The following FMN2 variants were observed in gnomAD, a reference collection of about 807,000 sequenced individuals.
FMN2 encodes the protein formin 2, also known as formin-2.
In FMN2, 51 loss-of-function variants were observed where a neutral mutation model predicts 142.3. That is an observed-to-expected ratio of 0.36 (90% CI 0.29 to 0.45). The LOEUF (loss-of-function observed/expected upper bound fraction) is 0.45, where lower values mean the gene tolerates loss of function less well. Ranked by LOEUF, FMN2 falls within the 20% of genes least tolerant of loss-of-function variation. FMN2 has a pLI of 1.00. For missense variants in FMN2, 1,936 were observed against 2,122.8 expected, an observed-to-expected ratio of 0.91 and a Z score of 1.73; for synonymous variants, 882 against 869.8, an observed-to-expected ratio of 1.01 and a Z score of -0.25.
chr1:240,234,866 TA>T (rs1667650441), intron 6 of FMN2, among the ~76,000 whole-genome samples: 1 of 152,218 alleles, frequency 6.6e-6, no homozygotes, highest in South Asian at 2.1e-4. Context: ...TTCATATACT[TA>T]TAAACTTTTA....
At position 240,318,286 on chromosome 1, in the gene FMN2, A is replaced by G. The variant is rs567880625; in HGVS notation, c.4216-10790A>G. On this transcript the variant is annotated intron_variant, in intron 8 of 17. Transcript: ENST00000319653. ...GTTCAGCTCTTCACTTAACACCTCA[A>G]TGGGACAGTTTTTCATTTGGTGTTT... Among the ~76,000 whole-genome samples, 7 of 152,320 alleles carry G rather than the reference A, an allele frequency of 4.6e-5. No homozygotes were observed. The South Asian group carries it at 1.0e-3, about 23-fold the overall frequency.
At chr1:240,107,107 G>C (rs891695824) in intron 1 of FMN2, among the ~76,000 whole-genome samples, 1 of 151,756 alleles carries the variant, frequency 6.6e-6, no homozygotes, top group Non-Finnish European at 1.5e-5. Context: ...CAGGATGAAG[G>C]AGCTAGATGT....
intron 13 of FMN2, among the ~76,000 whole-genome samples, chr1:240,349,094 G>C (rs1021309075): frequency 2.0e-5 from 3 of 152,166 alleles, no homozygotes; most frequent in African/African-American, 7.2e-5. Flanking sequence ...GCATGCCCCT[G>C]GTGGGCTGAT....
At chr1:240,312,030 C>T (rs552541037) in intron 8 of FMN2, among the ~76,000 whole-genome samples, 7 of 152,296 alleles carry the variant, frequency 4.6e-5, no homozygotes, top group African/African-American at 1.2e-4. Context: ...TATTAGTTGA[C>T]ATCCAAAAGG....
At chr1:240,385,652 C>T (rs1360752566) in intron 14 of FMN2, among the ~76,000 whole-genome samples, 2 of 152,162 alleles carry the variant, frequency 1.3e-5, no homozygotes, top group Admixed American at 6.5e-5. Context: ...GTCTTCTCTA[C>T]TTTGGGTTTA....
chr1:240,330,299 C>T (rs1259847493), intron 10 of FMN2, among the ~76,000 whole-genome samples: 1 of 152,130 alleles, frequency 6.6e-6, no homozygotes, highest in African/African-American at 2.4e-5. Context: ...TATCATATAG[C>T]CTTTGTTCCC....
At chr1:240,142,499 A>G (rs6657784) in intron 2 of FMN2, among the ~76,000 whole-genome samples, 1 of 22,928 alleles carries the variant, frequency 4.4e-5, no homozygotes, top group Admixed American at 3.7e-4. Context: ...ATTTATTTAT[A>G]TTTTTTGGGG....
intron 7 of FMN2, among the ~76,000 whole-genome samples, chr1:240,271,356 C>T (rs2102920814): frequency 6.6e-6 from 1 of 150,690 alleles, no homozygotes; most frequent in South Asian, 2.1e-4. Flanking sequence ...TTGTAATAGT[C>T]TCAAAAATTA....
chr1:240,445,525 C>T (rs948928085), intron 16 of FMN2, among the ~76,000 whole-genome samples: 1 of 151,996 alleles, frequency 6.6e-6, no homozygotes, highest in Non-Finnish European at 1.5e-5. Context: ...ATGAGCATTC[C>T]GGGTAGATGG....
At chr1:240,454,806 T>C (rs1676184688) in intron 16 of FMN2, among the ~76,000 whole-genome samples, 1 of 150,856 alleles carries the variant, frequency 6.6e-6, no homozygotes, top group Non-Finnish European at 1.5e-5. Context: ...GCACAGGGTA[T>C]GGAGCCTGAA....
At chr1:240,188,305 T>C (rs747131312) in intron 4 of FMN2, 43 bp downstream of exon 4, 1 of 1,594,742 alleles carries the variant, frequency 6.3e-7, no homozygotes, top group Non-Finnish European at 8.6e-7. Flanking sequence ...ATCTGTCTTA[T>C]TTGTCTTAAG....
At chr1:240,095,580 G>A (rs1661168771) in intron 1 of FMN2, among the ~76,000 whole-genome samples, 1 of 152,050 alleles carries the variant, frequency 6.6e-6, no homozygotes, top group South Asian at 2.1e-4. Flanking sequence ...AGAAATATCT[G>A]TATAGATATA....
At position 240,092,174 on chromosome 1, in the gene FMN2, G is replaced by A. The variant is rs1043726974; in HGVS notation, c.65G>A (p.Gly22Asp). The change falls in exon 1 of 18, where the codon GGC becomes GAC. Residue 22 changes from glycine (G) to aspartate (D), a missense_variant. Gly to Asp is a moderately conservative substitution (Grantham distance 94). This residue lies in a region of FMN2 where 751 missense variants were observed against 791.8 expected (regional missense o/e 0.95). Transcript: ENST00000319653. The part of the protein sequence containing the change: ...AGDALHEGGG[G>D]AEDALGPRDV... ...GATGCTTTGCACGAAGGCGGCGGTG[G>A]CGCCGAGGATGCGCTGGGGCCCAGG... The A allele has an allele frequency of 1.3e-6, 2 of 1,578,536 alleles. No individual in the cohort carries two copies. The highest frequency in any genetic ancestry group is 1.2e-5 in the South Asian group (1 of 86,338).
At chr1:240,139,777 C>T (rs981295871) in intron 2 of FMN2, among the ~76,000 whole-genome samples, 1 of 152,058 alleles carries the variant, frequency 6.6e-6, no homozygotes, top group Non-Finnish European at 1.5e-5. Context: ...GAGGTGAAGT[C>T]AGTCCACGTG....
intron 16 of FMN2, among the ~76,000 whole-genome samples, chr1:240,448,666 C>A (rs987847738): frequency 1.3e-5 from 2 of 151,830 alleles, no homozygotes; most frequent in Non-Finnish European, 2.9e-5. Context: ...AACAAACAAA[C>A]AAAAATTAGC....
chr1:240,394,865 G>A (rs1484036764), intron 15 of FMN2, among the ~76,000 whole-genome samples: 1 of 152,126 alleles, frequency 6.6e-6, no homozygotes, highest in Non-Finnish European at 1.5e-5. Flanking sequence ...CTACTCAGAA[G>A]GCTGAGGCAG....
At chr1:240,293,310 C>T (rs377402631) in intron 7 of FMN2, among the ~76,000 whole-genome samples, 7 of 151,996 alleles carry the variant, frequency 4.6e-5, no homozygotes, top group African/African-American at 1.4e-4. Flanking sequence ...AATCTGACAC[C>T]AAGTTGACCC....
intron 14 of FMN2, among the ~76,000 whole-genome samples, chr1:240,367,191 CAT>C (rs1672701104): frequency 6.6e-6 from 1 of 152,124 alleles, no homozygotes; most frequent in African/African-American, 2.4e-5. Context: ...TTTGAGAAAT[CAT>C]GTGTTTTCAC....
At chr1:240,316,447 A>AAT (rs1174030370) in intron 8 of FMN2, among the ~76,000 whole-genome samples, 1 of 152,126 alleles carries the variant, frequency 6.6e-6, no homozygotes, top group Non-Finnish European at 1.5e-5. Context: ...TGCCTAGGGA[A>AAT]ATGGGAGTCA....
Sources: gnomAD v4.1 joint callset for allele counts (sites outside exome capture counted in the v4.1 genomes callset) on GRCh38, gnomAD v4.1.1 for gene constraint, gnomAD v4.1.1 regional missense constraint, MANE v1.5 for transcripts, NCBI Gene and HGNC (gene_info 2026-07-23, HGNC 2026-07-21) for gene names.